Variants in ROBO1 observed in about 807,000 individuals in gnomAD.
ROBO1 encodes the protein roundabout homolog 1.
ROBO1 carries 149 observed loss-of-function variants against 195.9 expected under a neutral mutation model. The observed-to-expected ratio is 0.76, with a 90% confidence interval of 0.67 to 0.87. ROBO1 has a LOEUF of 0.87. Among genes scored for constraint, ROBO1 ranks in the 40% least tolerant of loss-of-function variants. The probability of loss-of-function intolerance (pLI) is 0.00; values close to 1 mark genes in which losing one functional copy is unlikely to be tolerated. For missense variants in ROBO1, 1,933 were observed against 2,068.3 expected, an observed-to-expected ratio of 0.93 and a Z score of 1.27; for synonymous variants, 816 against 733.2, an observed-to-expected ratio of 1.11 and a Z score of -1.82.
intron 1 of ROBO1, among the ~76,000 whole-genome samples, chr3:79,672,162 A>C (rs1290463642): frequency 6.6e-6 from 1 of 151,924 alleles, no homozygotes; most frequent in Non-Finnish European, 1.5e-5. Flanking sequence ...CATTCAGAGA[A>C]GCTGGCAACA....
At chr3:78,805,699 T>C (rs2084516105) in intron 4 of ROBO1, among the ~76,000 whole-genome samples, 4 of 152,100 alleles carry the variant, frequency 2.6e-5, no homozygotes, top group Admixed American at 2.6e-4. Flanking sequence ...ATCATATTGT[T>C]TTAAACTCAC....
intron 25 of ROBO1, among the ~76,000 whole-genome samples, chr3:78,629,457 T>C (rs936322430): frequency 1.3e-5 from 2 of 152,104 alleles, no homozygotes; most frequent in Non-Finnish European, 2.9e-5. Flanking sequence ...TTTGGGAGGC[T>C]GAGGCGGGAC....
intron 3 of ROBO1, among the ~76,000 whole-genome samples, chr3:79,024,323 G>T (rs1357428069): frequency 6.6e-6 from 1 of 152,132 alleles, no homozygotes; most frequent in Non-Finnish European, 1.5e-5. Context: ...TGAAGAGGGG[G>T]TGAGCTTTTG....
At chr3:79,182,703 G>T (rs1042462203) in intron 2 of ROBO1, among the ~76,000 whole-genome samples, 7 of 152,164 alleles carry the variant, frequency 4.6e-5, no homozygotes, top group Admixed American at 1.3e-4. Context: ...GGGGTTAAGT[G>T]AGAAATGTAG....
At position 79,719,022 on chromosome 3, in the gene ROBO1, G is replaced by C. The variant is rs1056823212; in HGVS notation, c.-51+48730C>G. On this transcript the variant is annotated intron_variant, in intron 1 of 30. Coordinates refer to ENST00000464233, the MANE Select transcript of ROBO1 (RefSeq NM_002941.4). Reference sequence around the variant, plus strand: ...CAGCAAGCATAAATAAGAATGTCTTGCTGAGTGTGTGTGAAAAATAAAGAC... The same window carrying C: ...CAGCAAGCATAAATAAGAATGTCTTCCTGAGTGTGTGTGAAAAATAAAGAC... Among the ~76,000 whole-genome samples the C allele has an allele frequency of 3.9e-5, 6 of 152,038 alleles. No individual in the cohort carries two copies. The East Asian group carries it at 9.6e-4, about 24-fold the overall frequency.
intron 4 of ROBO1, among the ~76,000 whole-genome samples, chr3:78,875,729 C>A (rs368704316): frequency 1.3e-5 from 2 of 151,926 alleles, no homozygotes; most frequent in African/African-American, 4.8e-5. Flanking sequence ...GGAAGCAAAA[C>A]GTTACAGAGA....
chr3:79,244,811 A>G (rs2082593196), intron 2 of ROBO1, among the ~76,000 whole-genome samples: 1 of 152,110 alleles, frequency 6.6e-6, no homozygotes, highest in Non-Finnish European at 1.5e-5. Context: ...CATTTTAGAA[A>G]GTGTTCAAGA....
chr3:79,398,630 G>T (rs1037041453), intron 2 of ROBO1, among the ~76,000 whole-genome samples: 2 of 152,144 alleles, frequency 1.3e-5, no homozygotes, highest in African/African-American at 4.8e-5. Flanking sequence ...TGAATTCTCA[G>T]TGGGACAGTT....
intron 2 of ROBO1, among the ~76,000 whole-genome samples, chr3:79,531,712 C>T: frequency 6.6e-6 from 1 of 152,134 alleles, no homozygotes; most frequent in East Asian, 1.9e-4. Context: ...AATCTCTATG[C>T]CTATCTCAGT....
At position 79,537,113 on chromosome 3, in the gene ROBO1, A is replaced by ATTT. The variant is rs34450722; in HGVS notation, c.88+52708_88+52710dup. 2.1e-3 allele frequency among the ~76,000 whole-genome samples: 313 copies of ATTT among 145,858 alleles called. 2 individuals carry two copies. The highest frequency in any genetic ancestry group is 7.4e-3 in the African/African-American group (294 of 39,974). On this transcript the variant is annotated intron_variant, in intron 2 of 30. Transcript: ENST00000464233. ...TCTTTCCTTCTTTTTTCCTTTTTTT[A>ATTT]TTTTTTTTTTGACTCAACACTTTTA...
chr3:79,647,122 A>G (rs1480592882), intron 1 of ROBO1, among the ~76,000 whole-genome samples: 1 of 152,136 alleles, frequency 6.6e-6, no homozygotes, highest in Non-Finnish European at 1.5e-5. Context: ...AAGGTAATGT[A>G]TTTGAATTAC....
At chr3:79,010,622 T>C (rs1054368053) in intron 3 of ROBO1, among the ~76,000 whole-genome samples, 8 of 152,120 alleles carry the variant, frequency 5.3e-5, no homozygotes, top group Non-Finnish European at 7.4e-5. Flanking sequence ...TGTAAACACA[T>C]ATATTTATTT....
chr3:79,689,738 C>G (rs1576235586), intron 1 of ROBO1, among the ~76,000 whole-genome samples: 1 of 151,854 alleles, frequency 6.6e-6, no homozygotes, highest in African/African-American at 2.4e-5. Context: ...AATACTTTCC[C>G]CAGTATAGTG....
chr3:79,240,085 G>C (rs2082484449), intron 2 of ROBO1, among the ~76,000 whole-genome samples: 1 of 151,954 alleles, frequency 6.6e-6, no homozygotes, highest in Admixed American at 6.6e-5. Context: ...CAATGTTTAG[G>C]TATGTAGTAC....
chr3:79,713,000 A>C (rs567923309), intron 1 of ROBO1, among the ~76,000 whole-genome samples: 4 of 152,120 alleles, frequency 2.6e-5, no homozygotes, highest in African/African-American at 9.6e-5. Flanking sequence ...ATAGGTATAC[A>C]TGTGCCATGT....
intron 2 of ROBO1, among the ~76,000 whole-genome samples, chr3:79,170,604 C>T (rs558565665): frequency 3.2e-4 from 49 of 152,082 alleles, no homozygotes; most frequent in Non-Finnish European, 5.2e-4. Context: ...TAAGGCAATA[C>T]AAATTTTTGT....
At chr3:79,330,312 A>AAAAT (rs202119973) in intron 2 of ROBO1, among the ~76,000 whole-genome samples, 26 of 147,464 alleles carry the variant, frequency 1.8e-4, no homozygotes, top group Admixed American at 2.0e-4. Flanking sequence ...ATTTCCTCAA[A>AAAAT]AAATAAATAA....
intron 2 of ROBO1, among the ~76,000 whole-genome samples, chr3:79,283,290 T>G (rs1390623432): frequency 3.3e-5 from 5 of 152,190 alleles, no homozygotes; most frequent in Non-Finnish European, 7.4e-5. Context: ...ACCTGGGTGA[T>G]GGGATCAGTC....
At chr3:79,308,942 A>G (rs1186119450) in intron 2 of ROBO1, among the ~76,000 whole-genome samples, 1 of 152,196 alleles carries the variant, frequency 6.6e-6, no homozygotes, top group African/African-American at 2.4e-5. Flanking sequence ...CATTTTAGAG[A>G]GGAACAATGT....
Sources: gnomAD v4.1 joint callset for allele counts (sites outside exome capture counted in the v4.1 genomes callset) on GRCh38, gnomAD v4.1.1 for gene constraint, MANE v1.5 for transcripts, NCBI Gene and HGNC (gene_info 2026-07-23, HGNC 2026-07-21) for gene names.